Variants in TMEM116 observed in about 807,000 individuals in gnomAD.
The protein encoded by TMEM116 is transmembrane protein 116.
TMEM116 carries 38 observed loss-of-function variants against 44.3 expected under a neutral mutation model. The observed-to-expected ratio is 0.86, with a 90% CI of 0.66 to 1.12. The LOEUF (loss-of-function observed/expected upper bound fraction) is 1.12. Among genes scored for constraint, TMEM116 ranks in the 50% most tolerant of loss-of-function variants. The pLI is 0.00. For missense variants in TMEM116, 354 were observed against 401.7 expected, an observed-to-expected ratio of 0.88 and a Z score of 1.01; for synonymous variants, 132 against 144.8, an observed-to-expected ratio of 0.91 and a Z score of 0.64.
At chr12:111,969,585 GT>G (rs1048110279) in intron 4 of TMEM116, among the ~76,000 whole-genome samples, 58 of 146,720 alleles carry the variant, frequency 4.0e-4, no homozygotes, top group Admixed American at 3.3e-3. Context: ...TTTTTCTGTT[GT>G]TTTTTTTTTG....
Position 111,936,805 on chromosome 12 carries a change from A to C in TMEM116, c.475T>G (p.Ser159Ala). ...GAAGGTGGAAGTTCAGCCATGGCTGATGGTGGTGAGTGCATCAAGATACAC... is the reference window on the plus strand; with the variant it reads ...GAAGGTGGAAGTTCAGCCATGGCTGCTGGTGGTGAGTGCATCAAGATACAC... ...HKCILMHSPPSAMAELPPSAN... is the reference protein window; with the variant it reads ...HKCILMHSPPAAMAELPPSAN... Residue 159 changes from serine (S) to alanine (A), a missense_variant, in exon 8 of 11, where the codon TCA (serine) becomes GCA (alanine). Physicochemically the swap from Ser to Ala is moderately conservative, Grantham distance 99. Transcript: ENST00000552374. 6.2e-7 allele frequency: 1 copy of C among 1,610,552 alleles called. No homozygotes were observed. The highest frequency in any genetic ancestry group is 1.7e-4 in the Middle Eastern group (1 of 6,044).
chr12:111,947,132 A>G (rs2136295902), intron 4 of TMEM116, among the ~76,000 whole-genome samples: 1 of 152,044 alleles, frequency 6.6e-6, no homozygotes, highest in African/African-American at 2.4e-5. Context: ...AGTGTTAAAA[A>G]ATTTATATCC....
chr12:111,997,745 CTT>C (rs2077009396), intron 3 of TMEM116, among the ~76,000 whole-genome samples: 1 of 152,062 alleles, frequency 6.6e-6, no homozygotes, highest in Non-Finnish European at 1.5e-5. Flanking sequence ...TAATTAATAT[CTT>C]GTTAATAGGG....
Position 111,936,810 on chromosome 12 carries a change from G to C in TMEM116, c.470C>G (p.Pro157Arg). The part of the protein sequence containing the change: ...QSHKCILMHS[P>R]PSAMAELPPS... ...TGGAAGTTCAGCCATGGCTGATGGT[G>C]GTGAGTGCATCAAGATACACCTAGG... is the stretch of plus-strand genomic sequence containing the variant. Residue 157 changes from proline (P) to arginine (R), a missense_variant, in exon 8 of 11, where the codon CCA becomes CGA. By Grantham distance (103) the Pro-to-Arg change is moderately radical. Coordinates refer to ENST00000552374, the MANE Select transcript of TMEM116 (RefSeq NM_001193531.2). 1 of 1,608,728 alleles carries C rather than the reference G, an allele frequency of 6.2e-7. No individual in the cohort carries two copies. The highest frequency in any genetic ancestry group is 8.5e-7 in the Non-Finnish European group (1 of 1,177,344).
Position 111,993,982 on chromosome 12 carries a change from G to C in TMEM116, c.79-2093C>G, listed in dbSNP as rs994319360. ...ACTACAGTAGTTTATCTATGATTCT[G>C]TGAAGGTCTACTTCAGCCTCCCTTG... On this transcript the variant is annotated intron_variant, in intron 3 of 10. Coordinates refer to ENST00000552374, the MANE Select transcript of TMEM116 (RefSeq NM_001193531.2). The C allele has an allele frequency of 3.9e-5, 23 of 590,360 alleles. No individual in the cohort carries two copies. The African/African-American group carries it at 4.1e-4, about 10-fold the overall frequency. 36.6% of individuals were successfully genotyped at this position (590,360 alleles called of 1,614,324 possible).
At chr12:112,006,436 T>A (rs2077589165) in intron 1 of TMEM116, among the ~76,000 whole-genome samples, 1 of 152,204 alleles carries the variant, frequency 6.6e-6, no homozygotes, top group Admixed American at 6.5e-5. Context: ...GACAGAAGCC[T>A]GTGATGGAAA....
At chr12:111,973,868 T>C (rs1045038764) in intron 4 of TMEM116, among the ~76,000 whole-genome samples, 3 of 151,972 alleles carry the variant, frequency 2.0e-5, no homozygotes, top group Admixed American at 2.0e-4. Flanking sequence ...AGGTTGCAGA[T>C]CGTGGCCTGC....
At chr12:111,999,965 CT>C (rs1310317110) in intron 3 of TMEM116, among the ~76,000 whole-genome samples, 2 of 151,806 alleles carry the variant, frequency 1.3e-5, no homozygotes, top group East Asian at 1.9e-4. Context: ...ATTTATGCTG[CT>C]TTTTTTTGTT....
chr12:111,944,743 A>G (rs1453509319), intron 4 of TMEM116, among the ~76,000 whole-genome samples: 3 of 152,232 alleles, frequency 2.0e-5, no homozygotes, highest in African/African-American at 4.8e-5. Context: ...AAGAATCCTC[A>G]GAAAAGAGTA....
rs2072330481 is a variant in TMEM116 at position 111,938,194 on chromosome 12, C to T, written c.332G>A (p.Cys111Tyr). The change falls in exon 6 of 11, where the codon TGT becomes TAT. Residue 111 changes from cysteine (C) to tyrosine (Y), a missense_variant. Physicochemically the swap from Cys to Tyr is radical, Grantham distance 194. Coordinates refer to ENST00000552374, the MANE Select transcript of TMEM116 (RefSeq NM_001193531.2). The part of the protein sequence containing the change: ...STSPLVIDYT[C>Y]RVCQMAFVFS... ...AACAAAGGCCATTTGACAAACTCGA[C>T]AAGTATAATCTATCACCTGTGAAAA... The T allele has an allele frequency of 6.3e-7, 1 of 1,592,154 alleles. No individual in the cohort carries two copies. Among genetic ancestry groups the T allele is most frequent in the Admixed American group, 1.8e-5 (1 of 56,144 alleles).
intron 5 of TMEM116, among the ~76,000 whole-genome samples, chr12:111,942,589 T>C (rs1486824779): frequency 1.3e-5 from 2 of 151,922 alleles, no homozygotes; most frequent in Admixed American, 1.3e-4. Flanking sequence ...CATTTTACAA[T>C]GAAAAATTGG....
intron 4 of TMEM116, among the ~76,000 whole-genome samples, chr12:111,947,994 C>T (rs2073414536): frequency 1.3e-5 from 2 of 151,682 alleles, no homozygotes; most frequent in Non-Finnish European, 2.9e-5. Context: ...TTTTTGTTTC[C>T]TGTTGGGACT....
chr12:111,960,285 C>T (rs529348989), intron 4 of TMEM116, among the ~76,000 whole-genome samples: 7 of 151,534 alleles, frequency 4.6e-5, no homozygotes, highest in African/African-American at 1.2e-4. Context: ...GTCAGGAGAT[C>T]GAGACCACCC....
intron 4 of TMEM116, 57 bp downstream of exon 4, chr12:111,991,701 A>G (rs1477322348): frequency 1.3e-6 from 2 of 1,505,124 alleles, no homozygotes; most frequent in Non-Finnish European, 1.8e-6. Context: ...CTTTGTTTCT[A>G]TCTAGATCTG....
chr12:111,986,667 G>T (rs149916319), intron 4 of TMEM116, among the ~76,000 whole-genome samples: 2,616 of 152,080 alleles, frequency 0.017, 83 homozygotes, highest in African/African-American at 0.058. Flanking sequence ...AAATTATCCA[G>T]GTGTGGTGGC....
At chr12:111,940,112 A>T (rs1157033787) in intron 5 of TMEM116, among the ~76,000 whole-genome samples, 2 of 151,760 alleles carry the variant, frequency 1.3e-5, no homozygotes, top group Non-Finnish European at 1.5e-5. Context: ...GTCTCTACTA[A>T]AAATACAAAA....
chr12:111,973,951 A>C (rs1000829123), intron 4 of TMEM116, among the ~76,000 whole-genome samples: 3 of 152,086 alleles, frequency 2.0e-5, no homozygotes, highest in Non-Finnish European at 4.4e-5. Context: ...AAAATCCTAC[A>C]GTATATAAAA....
chr12:111,933,240 C>CAA lies in TMEM116; in HGVS notation c.734-583_734-582dup, dbSNP rs201394868. Reference sequence around the variant, plus strand: ...TGGGCAACAGAGTGAGACTCTGTCTCAAAAAAAAAAAAAAAAATTATCTAA... The same window carrying CAA: ...TGGGCAACAGAGTGAGACTCTGTCTCAAAAAAAAAAAAAAAAAAATTATCTAA... On this transcript the variant is annotated intron_variant, in intron 9 of 10. Transcript: ENST00000552374. 1.0e-3 allele frequency among the ~76,000 whole-genome samples: 110 copies of CAA among 109,822 alleles called. 3 individuals carry two copies. Among genetic ancestry groups the CAA allele is most frequent in the Admixed American group, 3.4e-3 (37 of 10,742 alleles). 72.0% of individuals were successfully genotyped at this position (109,822 alleles called of 152,430 possible).
rs369854554 is a variant in TMEM116, at chr12:111,992,304, C to T, written c.79-415G>A. Among the ~76,000 whole-genome samples, 3 of 149,600 alleles carry T rather than the reference C, an allele frequency of 2.0e-5. No individual in the cohort carries two copies. The East Asian group carries it at 5.9e-4, about 29-fold the overall frequency. ...TTTTTTTTGGAGACAGAGTTTCGCT[C>T]TGTCGCCCAGGCTAGAGTGCAGTGG... On this transcript the variant is annotated intron_variant, in intron 3 of 10. Coordinates refer to ENST00000552374, the MANE Select transcript of TMEM116 (RefSeq NM_001193531.2).
Sources: allele counts gnomAD v4.1 joint callset (sites outside exome capture counted in the v4.1 genomes callset), GRCh38; gene constraint gnomAD v4.1.1; transcripts MANE v1.5; gene names NCBI Gene and HGNC (gene_info 2026-07-23, HGNC 2026-07-21).